Variants in ZNF804A observed in about 807,000 individuals in gnomAD.
The protein encoded by ZNF804A is zinc finger protein 804A.
In ZNF804A, 2 loss-of-function variants were observed where a neutral mutation model predicts 16.5. That is an observed-to-expected ratio of 0.12 (90% CI 0.05 to 0.38). The LOEUF is 0.38. Ranked by LOEUF, ZNF804A falls within the 10% of genes least tolerant of loss-of-function variation. The pLI is 0.99. For synonymous variants in ZNF804A, 534 were observed against 489.6 expected (o/e 1.09, Z -1.20); for missense variants, 1,473 against 1,390.7 (o/e 1.06, Z -0.94).
chr2:184,704,212 C>T (rs1206036706), intron 1 of ZNF804A, among the ~76,000 whole-genome samples: 2 of 150,556 alleles, frequency 1.3e-5, no homozygotes, highest in Non-Finnish European at 3.0e-5. Context: ...AGTGCAGTGG[C>T]GCCATCTCTA....
chr2:184,860,605 A>G (rs573425720), intron 1 of ZNF804A, among the ~76,000 whole-genome samples: 49 of 152,270 alleles, frequency 3.2e-4, no homozygotes, highest in African/African-American at 1.2e-3. Context: ...AAGGCCCAGA[A>G]AGAGTCCGCA....
rs779529674 is a variant in ZNF804A at position 184,741,080 on chromosome 2, G to A, written c.112-125289G>A. ...CACTTTTGACACCAATTGTAAGTTC[G>A]AGTCTCCAAGACCACCGCTTGTGAC... On this transcript the variant is annotated intron_variant, in intron 1 of 3. Transcript: ENST00000302277. Among the ~76,000 whole-genome samples, 13 of 152,152 alleles carry A rather than the reference G, an allele frequency of 8.5e-5. No homozygotes were observed. In the Middle Eastern group the frequency reaches 0.01, roughly 119 times the overall value.
chr2:184,736,293 T>C (rs1029600227), intron 1 of ZNF804A, among the ~76,000 whole-genome samples: 1 of 152,202 alleles, frequency 6.6e-6, no homozygotes, highest in Non-Finnish European at 1.5e-5. Context: ...GAAAATATTT[T>C]TGTTCGATAT....
At chr2:184,726,084 G>C (rs2105745075) in intron 1 of ZNF804A, among the ~76,000 whole-genome samples, 1 of 151,654 alleles carries the variant, frequency 6.6e-6, no homozygotes, top group East Asian at 1.9e-4. Flanking sequence ...AAATGAAACG[G>C]CTATGAACAA....
At chr2:184,820,884 G>A (rs749692238) in intron 1 of ZNF804A, among the ~76,000 whole-genome samples, 2 of 151,918 alleles carry the variant, frequency 1.3e-5, no homozygotes, top group Non-Finnish European at 2.9e-5. Flanking sequence ...TCTTCAAGAA[G>A]AACTACAAAC....
Position 184,901,585 on chromosome 2 carries a change from T to C in ZNF804A, c.256-32018T>C, listed in dbSNP as rs1226955194. Among the ~76,000 whole-genome samples, 6 of 152,246 alleles carry C rather than the reference T, an allele frequency of 3.9e-5. No homozygotes were observed. In the South Asian group the frequency reaches 1.2e-3, roughly 32 times the overall value. The stretch of plus-strand genomic sequence containing the variant: ...CTCAGCAGGAGATCCAAATGGTGAA[T>C]TTTCATTGCCATCATTCTTGGTAAT... On this transcript the variant is annotated intron_variant, in intron 2 of 3. Transcript: ENST00000302277.
chr2:184,758,505 C>G (rs955219244), intron 1 of ZNF804A, among the ~76,000 whole-genome samples: 1 of 151,860 alleles, frequency 6.6e-6, no homozygotes, highest in African/African-American at 2.4e-5. Context: ...CAAGGTTACT[C>G]AATTTGTAAT....
At chr2:184,928,605 G>A (rs747648213) in intron 2 of ZNF804A, among the ~76,000 whole-genome samples, 11 of 152,056 alleles carry the variant, frequency 7.2e-5, no homozygotes, top group Admixed American at 2.0e-4. Flanking sequence ...CTAGACTGCC[G>A]CGAGTTGAAT....
intron 1 of ZNF804A, among the ~76,000 whole-genome samples, chr2:184,731,452 C>T (rs987641436): frequency 2.0e-5 from 3 of 151,168 alleles, no homozygotes; most frequent in African/African-American, 7.3e-5. Flanking sequence ...GATGTTATAG[C>T]GTTGTTTTAA....
intron 1 of ZNF804A, among the ~76,000 whole-genome samples, chr2:184,659,067 A>G (rs1692125774): frequency 6.6e-6 from 1 of 152,214 alleles, no homozygotes; most frequent in Non-Finnish European, 1.5e-5. Flanking sequence ...ATAAGAACCA[A>G]TAAAAACCCC....
intron 1 of ZNF804A, among the ~76,000 whole-genome samples, chr2:184,707,159 C>CT (rs958754881): frequency 4.0e-5 from 6 of 151,558 alleles, no homozygotes; most frequent in African/African-American, 1.5e-4. Flanking sequence ...AGAACGTTAA[C>CT]TTTTTTTTTA....
intron 1 of ZNF804A, among the ~76,000 whole-genome samples, chr2:184,667,098 T>A (rs1039631825): frequency 6.6e-6 from 1 of 151,988 alleles, no homozygotes; most frequent in Non-Finnish European, 1.5e-5. Context: ...AAATGCATTG[T>A]ATTGAGGTAA....
At chr2:184,655,682 GT>G (rs1013153037) in intron 1 of ZNF804A, among the ~76,000 whole-genome samples, 7 of 150,574 alleles carry the variant, frequency 4.6e-5, no homozygotes, top group South Asian at 2.1e-4. Context: ...TTCTCTAGAG[GT>G]TTTTTTTTCG....
chr2:184,756,465 T>C (rs954166144), intron 1 of ZNF804A, among the ~76,000 whole-genome samples: 2 of 152,012 alleles, frequency 1.3e-5, no homozygotes, highest in African/African-American at 4.8e-5. Flanking sequence ...CATACACTTA[T>C]AGAATACTTT....
At chr2:184,728,002 G>T (rs979972849) in intron 1 of ZNF804A, among the ~76,000 whole-genome samples, 1 of 151,714 alleles carries the variant, frequency 6.6e-6, no homozygotes, top group Non-Finnish European at 1.5e-5. Flanking sequence ...GTTATTAACT[G>T]TGGATAACCA....
intron 1 of ZNF804A, among the ~76,000 whole-genome samples, chr2:184,687,530 C>T (rs968950493): frequency 6.6e-6 from 1 of 152,048 alleles, no homozygotes; most frequent in Non-Finnish European, 1.5e-5. Flanking sequence ...ATTTAAAAGA[C>T]ATAACACAAG....
intron 1 of ZNF804A, among the ~76,000 whole-genome samples, chr2:184,844,065 G>A (rs1000178832): frequency 1.3e-5 from 2 of 151,792 alleles, no homozygotes. Context: ...TTTAGTGGTT[G>A]ATTTAGAGTT....
intron 1 of ZNF804A, among the ~76,000 whole-genome samples, chr2:184,691,930 T>C (rs956144235): frequency 1.3e-5 from 2 of 152,162 alleles, no homozygotes; most frequent in South Asian, 4.1e-4. Context: ...AGAGAAGCAA[T>C]GAAAGATCTT....
intron 1 of ZNF804A, among the ~76,000 whole-genome samples, chr2:184,648,645 T>C (rs1362997862): frequency 1.3e-5 from 2 of 152,102 alleles, no homozygotes; most frequent in East Asian, 1.9e-4. Context: ...GCTATTCTTA[T>C]ATCAAATAAA....
Sources: allele counts gnomAD v4.1 joint callset (sites outside exome capture counted in the v4.1 genomes callset), GRCh38; gene constraint gnomAD v4.1.1; transcripts MANE v1.5; gene names NCBI Gene and HGNC (gene_info 2026-07-23, HGNC 2026-07-21).